PSMB7: variants seen among roughly 807,000 people sequenced by gnomAD.
PSMB7 encodes the protein proteasome 20S subunit beta 7.
PSMB7 carries 5 observed loss-of-function variants against 28.1 expected under a neutral mutation model. The ratio of observed to expected loss-of-function variants is 0.18; its 90% CI spans 0.09 to 0.37. PSMB7 has a LOEUF of 0.37. Among genes scored for constraint, PSMB7 ranks in the 10% least tolerant of loss-of-function variants. The pLI is 1.00. For synonymous variants in PSMB7, 122 were observed against 123.7 expected (o/e 0.99, Z 0.09); for missense variants, 275 against 346.2 (o/e 0.79, Z 1.63).
At chr9:124,355,027 C>T (rs999789501) in intron 7 of PSMB7, among the ~76,000 whole-genome samples, 8 of 152,390 alleles carry the variant, frequency 5.2e-5, no homozygotes, top group South Asian at 2.1e-4. Context: ...GCGCATGGCA[C>T]GGGATGCTTC....
At chr9:124,368,627 A>G (rs1830531221) in intron 6 of PSMB7, among the ~76,000 whole-genome samples, 1 of 152,262 alleles carries the variant, frequency 6.6e-6, no homozygotes. Flanking sequence ...TCAAAAAGAT[A>G]TCATTTAATT....
chr9:124,362,340 G>A (rs1830471486), intron 6 of PSMB7, among the ~76,000 whole-genome samples: 1 of 152,218 alleles, frequency 6.6e-6, no homozygotes, highest in Non-Finnish European at 1.5e-5. Context: ...CAGCTCCAAG[G>A]GTTTTCAAGG....
chr9:124,364,623 G>A (rs1158201045), intron 6 of PSMB7, among the ~76,000 whole-genome samples: 2 of 151,378 alleles, frequency 1.3e-5, no homozygotes, highest in African/African-American at 4.9e-5. Context: ...ATACTAATAA[G>A]ATCCTCATCA....
chr9:124,393,618 G>C (rs932079339), intron 5 of PSMB7, among the ~76,000 whole-genome samples: 7 of 152,152 alleles, frequency 4.6e-5, no homozygotes, highest in Non-Finnish European at 1.0e-4. Context: ...ATGTAATATA[G>C]TCAAAGAGGA....
At chr9:124,364,548 C>A (rs560402349) in intron 6 of PSMB7, among the ~76,000 whole-genome samples, 2 of 148,790 alleles carry the variant, frequency 1.3e-5, no homozygotes, top group African/African-American at 4.9e-5. Flanking sequence ...AAAAGAAAGC[C>A]TGGGTTTAAA....
In PSMB7 at chr9:124,414,765, G is replaced by A. The variant is rs572989071; in HGVS notation, c.156+77C>T. 4.0e-6 allele frequency: 5 copies of A among 1,246,334 alleles called. No individual in the cohort carries two copies. The East Asian group carries it at 1.2e-4, about 29-fold the overall frequency. The allele number at this position is 1,246,334 out of a possible 1,614,324, so 77.2% of individuals were successfully genotyped here. On this transcript the variant is annotated intron_variant, in intron 2 of 7. Coordinates refer to ENST00000259457, the MANE Select transcript of PSMB7 (RefSeq NM_002799.4). ...CATTTGCCTTTCCAGACCGAGCCGG[G>A]AGAGACACCGGAAGCCAAGTGTTCT...
chr9:124,380,059 T>C (rs1328771081), intron 6 of PSMB7, among the ~76,000 whole-genome samples: 1 of 152,132 alleles, frequency 6.6e-6, no homozygotes, highest in East Asian at 1.9e-4. Flanking sequence ...GTGTGTACAG[T>C]GCAGCACAGG....
rs61132576 is a variant in PSMB7 at position 124,413,153 on chromosome 9, CAA to C, written c.255-663_255-662del. Among the ~76,000 whole-genome samples, 7 of 47,228 alleles carry C rather than the reference CAA, an allele frequency of 1.5e-4. No individual in the cohort carries two copies. In the East Asian group the frequency reaches 1.9e-3, roughly 13 times the overall value. 31.0% of individuals were successfully genotyped at this position (47,228 alleles called of 152,430 possible). On this transcript the variant is annotated intron_variant, in intron 3 of 7. Transcript: ENST00000259457. ...CAACATAGTGTGACCGCATCTCTCC[CAA>C]AAAAAAAAAAAAAAAAAAAAGAACG...
chr9:124,415,258 G>A (rs1831074842), intron 1 of PSMB7, 106 bp downstream of exon 1: 4 of 1,261,448 alleles, frequency 3.2e-6, no homozygotes, highest in Middle Eastern at 1.9e-4. Context: ...CACAGGCCCC[G>A]CCATGAATTC....
At chr9:124,362,021 C>T (rs1020182552) in intron 6 of PSMB7, among the ~76,000 whole-genome samples, 1 of 152,206 alleles carries the variant, frequency 6.6e-6, no homozygotes, top group Non-Finnish European at 1.5e-5. Context: ...AATACACCCT[C>T]TTCATTTGAC....
chr9:124,359,940 T>C (rs1830451060), intron 6 of PSMB7, among the ~76,000 whole-genome samples: 1 of 152,206 alleles, frequency 6.6e-6, no homozygotes, highest in Non-Finnish European at 1.5e-5. Flanking sequence ...CAAACCCTCA[T>C]AATCAAAACA....
rs140292549 is a variant in PSMB7 at position 124,360,193 on chromosome 9, G to A, written c.571-3278C>T. Among the ~76,000 whole-genome samples, 215 of 152,304 alleles carry A rather than the reference G, an allele frequency of 1.4e-3. 1 individual carries two copies. The highest frequency in any genetic ancestry group is 5.0e-3 in the African/African-American group (207 of 41,566). On this transcript the variant is annotated intron_variant, in intron 6 of 7. Transcript: ENST00000259457. Reference sequence around the variant, plus strand: ...TAAACAACTTTTGTCTTTAACATGTGCTACCAAATATTTAAGAAAACTATC... The same window carrying A: ...TAAACAACTTTTGTCTTTAACATGTACTACCAAATATTTAAGAAAACTATC...
At chr9:124,401,962 C>T (rs1350458494) in intron 5 of PSMB7, among the ~76,000 whole-genome samples, 5 of 150,014 alleles carry the variant, frequency 3.3e-5, no homozygotes, top group African/African-American at 1.2e-4. Context: ...GGGGTTGCAG[C>T]GAGCAGAGAT....
intron 4 of PSMB7, among the ~76,000 whole-genome samples, chr9:124,409,611 A>T (rs2131180719): frequency 1.3e-5 from 2 of 152,258 alleles, no homozygotes; most frequent in Middle Eastern, 6.8e-3. Context: ...TACCAAGAAC[A>T]CCTTGTACTC....
At chr9:124,381,620 T>G (rs1171344068) in intron 6 of PSMB7, among the ~76,000 whole-genome samples, 1 of 152,202 alleles carries the variant, frequency 6.6e-6, no homozygotes, top group Non-Finnish European at 1.5e-5. Context: ...AAAGTCTCCC[T>G]GGAAAGAAGG....
At chr9:124,401,342 T>C (rs1830904529) in intron 5 of PSMB7, among the ~76,000 whole-genome samples, 1 of 152,250 alleles carries the variant, frequency 6.6e-6, no homozygotes, top group Admixed American at 6.5e-5. Flanking sequence ...CTGGGGCACT[T>C]ATCACAATGC....
At chr9:124,390,561 T>C (rs1291111044) in intron 5 of PSMB7, among the ~76,000 whole-genome samples, 1 of 152,218 alleles carries the variant, frequency 6.6e-6, no homozygotes, top group Non-Finnish European at 1.5e-5. Context: ...ATCCATGCTA[T>C]AGTATTTAGT....
intron 5 of PSMB7, among the ~76,000 whole-genome samples, chr9:124,385,422 T>C (rs1414911444): frequency 4.6e-5 from 7 of 152,188 alleles, no homozygotes; most frequent in Non-Finnish European, 1.0e-4. Context: ...TGGGCTCCCT[T>C]TGAATGGATG....
At chr9:124,376,279 A>G (rs57274869) in intron 6 of PSMB7, among the ~76,000 whole-genome samples, 2,372 of 152,264 alleles carry the variant, frequency 0.016, 72 homozygotes, top group African/African-American at 0.053. Context: ...TACATCAGCT[A>G]TATGGAGAAA....
Sources: allele counts gnomAD v4.1 joint callset (sites outside exome capture counted in the v4.1 genomes callset), GRCh38; gene constraint gnomAD v4.1.1; transcripts MANE v1.5; gene names NCBI Gene and HGNC (gene_info 2026-07-23, HGNC 2026-07-21).